The following SORCS2 variants were observed in gnomAD, a reference collection of about 807,000 sequenced individuals.
The protein encoded by SORCS2 is sortilin related VPS10 domain containing receptor 2.
Under a neutral mutation model 141.6 loss-of-function variants are expected in SORCS2, and 100 were observed. The observed-to-expected ratio is 0.71, with a 90% confidence interval of 0.60 to 0.83. The LOEUF (loss-of-function observed/expected upper bound fraction) is 0.83. SORCS2 is among the 40% of genes least tolerant of loss of function. The pLI is 0.00. For missense variants in SORCS2, 1,646 were observed against 1,560.2 expected, an observed-to-expected ratio of 1.05 and a Z score of -0.93; for synonymous variants, 789 against 676.9, an observed-to-expected ratio of 1.17 and a Z score of -2.57.
chr4:7,389,497 C>G (rs1371045741), intron 1 of SORCS2, among the ~76,000 whole-genome samples: 1 of 151,658 alleles, frequency 6.6e-6, no homozygotes, highest in Non-Finnish European at 1.5e-5. Flanking sequence ...GAGGAAAGAC[C>G]TCACCAGGAG....
chr4:7,368,316 T>G (rs1722027907), intron 1 of SORCS2, among the ~76,000 whole-genome samples: 1 of 152,188 alleles, frequency 6.6e-6, no homozygotes, highest in African/African-American at 2.4e-5. Context: ...GCCAAAAGCA[T>G]GTTAACTAAT....
At chr4:7,565,409 A>G (rs1289955513) in intron 3 of SORCS2, among the ~76,000 whole-genome samples, 2 of 152,188 alleles carry the variant, frequency 1.3e-5, no homozygotes, top group African/African-American at 4.8e-5. Flanking sequence ...GAAGATGAAG[A>G]TGATGATAAA....
intron 3 of SORCS2, among the ~76,000 whole-genome samples, chr4:7,629,936 A>AT (rs1719773186): frequency 6.6e-6 from 1 of 152,050 alleles, no homozygotes; most frequent in Non-Finnish European, 1.5e-5. Flanking sequence ...CGTTTTATTT[A>AT]TTCCCCAGCA....
At chr4:7,532,705 A>G (rs997551664) in intron 3 of SORCS2, among the ~76,000 whole-genome samples, 1 of 147,514 alleles carries the variant, frequency 6.8e-6, no homozygotes, top group Non-Finnish European at 1.5e-5. Context: ...CTATGGAACG[A>G]GGGGGCTGAG....
intron 3 of SORCS2, among the ~76,000 whole-genome samples, chr4:7,610,804 G>A (rs1048671900): frequency 3.3e-5 from 5 of 152,156 alleles, no homozygotes; most frequent in Admixed American, 6.5e-5. Context: ...GTAAAGTCCC[G>A]GGAGCCAAGG....
At chr4:7,272,701 G>A (rs1355327796) in intron 1 of SORCS2, among the ~76,000 whole-genome samples, 1 of 152,250 alleles carries the variant, frequency 6.6e-6, no homozygotes, top group Non-Finnish European at 1.5e-5. Context: ...ATTTCCAGGG[G>A]ATGGACAATT....
chr4:7,212,669 C>T (rs936334675), intron 1 of SORCS2, among the ~76,000 whole-genome samples: 19 of 152,258 alleles, frequency 1.2e-4, no homozygotes, highest in African/African-American at 4.3e-4. Context: ...AGAGCTGAGG[C>T]CCCCTGGCCT....
At chr4:7,724,407 G>C in intron 19 of SORCS2, among the ~76,000 whole-genome samples, 3 of 147,180 alleles carry the variant, frequency 2.0e-5, no homozygotes, top group African/African-American at 7.8e-5. Flanking sequence ...GGTGATAGTA[G>C]TGGTGGGAAT....
Position 7,366,586 on chromosome 4 carries a change from G to T in SORCS2, c.481-29702G>T, listed in dbSNP as rs555641473. Among the ~76,000 whole-genome samples, 235 of 147,368 alleles carry T rather than the reference G, an allele frequency of 1.6e-3. 2 individuals carry two copies. Among genetic ancestry groups the T allele is most frequent in the African/African-American group, 5.4e-3 (217 of 40,132 alleles). ...ATCAGCCTTGCTAGTTTCTGTCTTT[G>T]CACTGGCAGTTCCATCTGCCTGGAA... On this transcript the variant is annotated intron_variant, in intron 1 of 26. Coordinates refer to ENST00000507866, the MANE Select transcript of SORCS2 (RefSeq NM_020777.3).
intron 1 of SORCS2, among the ~76,000 whole-genome samples, chr4:7,333,382 C>G (rs941508347): frequency 1.3e-5 from 2 of 152,206 alleles, no homozygotes; most frequent in African/African-American, 4.8e-5. Flanking sequence ...TAAACGTGTT[C>G]CCGTGTGTGA....
chr4:7,740,885 CG>C lies in SORCS2; in HGVS notation c.*623del. ...TCTCACTCTCTGTCTTTATAGCCGGCGGTAGCCACCGGGGTGGCTCTGTCAG... is the reference window on the plus strand; with the variant it reads ...TCTCACTCTCTGTCTTTATAGCCGGCGTAGCCACCGGGGTGGCTCTGTCAG... On this transcript the variant is annotated 3_prime_UTR_variant, in exon 27 of 27. Transcript: ENST00000507866. 2.5e-6 allele frequency: 1 copy of C among 396,620 alleles called. No homozygotes were observed. The highest frequency in any genetic ancestry group is 4.4e-6 in the Non-Finnish European group (1 of 225,472). The allele number at this position is 396,620 out of a possible 1,614,324, so 24.6% of individuals were successfully genotyped here. A position where few individuals can be genotyped will look rare whatever the true frequency, so the allele number is the denominator to read the frequency against.
In SORCS2 at chr4:7,729,789, C is replaced by T. The variant is rs538349045; in HGVS notation, c.3108+77C>T. The T allele has an allele frequency of 7.2e-5, 110 of 1,538,422 alleles. No homozygotes were observed. In the East Asian group the frequency reaches 7.3e-4, roughly 10 times the overall value. On this transcript the variant is annotated intron_variant, in intron 23 of 26. Coordinates refer to ENST00000507866, the MANE Select transcript of SORCS2 (RefSeq NM_020777.3). ...TCGGGTCATTTACAACAAGCAGGGACGTCTCAGTGGCTCATGGCATAAAGG... is the reference window on the plus strand; with the variant it reads ...TCGGGTCATTTACAACAAGCAGGGATGTCTCAGTGGCTCATGGCATAAAGG...
Position 7,512,846 on chromosome 4 carries a change from C to T in SORCS2, c.549-18684C>T, listed in dbSNP as rs138660815. Among the ~76,000 whole-genome samples, 110 of 152,304 alleles carry T rather than the reference C, an allele frequency of 7.2e-4. 3 individuals carry two copies. Among genetic ancestry groups the T allele is most frequent in the African/African-American group, 2.6e-3 (109 of 41,564 alleles). ...CATCTCTGTAAGGCCAGAAACCCTG[C>T]GGAGGGCAGCTTCCTTCCAAAGCCC... is the stretch of plus-strand genomic sequence containing the variant. On this transcript the variant is annotated intron_variant, in intron 2 of 26. Coordinates refer to ENST00000507866, the MANE Select transcript of SORCS2 (RefSeq NM_020777.3).
chr4:7,649,482 G>C (rs573522483), intron 4 of SORCS2, among the ~76,000 whole-genome samples: 38 of 152,264 alleles, frequency 2.5e-4, no homozygotes, highest in African/African-American at 8.9e-4. Flanking sequence ...CTGAGAGCAG[G>C]GGTCCACGGA....
intron 2 of SORCS2, among the ~76,000 whole-genome samples, chr4:7,524,279 C>T (rs1269645563): frequency 6.6e-6 from 1 of 152,144 alleles, no homozygotes; most frequent in Non-Finnish European, 1.5e-5. Flanking sequence ...GCCTCAATCT[C>T]AGGGACGCCT....
intron 2 of SORCS2, among the ~76,000 whole-genome samples, chr4:7,530,100 AG>A (rs1178279934): frequency 3.9e-5 from 6 of 152,238 alleles, no homozygotes; most frequent in African/African-American, 1.4e-4. Context: ...CTGGAGCCTC[AG>A]GTTCACTTGA....
At chr4:7,447,678 G>C (rs2109277782) in intron 2 of SORCS2, among the ~76,000 whole-genome samples, 1 of 152,288 alleles carries the variant, frequency 6.6e-6, no homozygotes, top group African/African-American at 2.4e-5. Flanking sequence ...GGTCCTCCAG[G>C]CTCAGCAGCC....
intron 3 of SORCS2, among the ~76,000 whole-genome samples, chr4:7,571,202 T>C (rs1326665517): frequency 6.6e-6 from 1 of 152,216 alleles, no homozygotes; most frequent in Non-Finnish European, 1.5e-5. Context: ...CCGCAGATGC[T>C]CTCTGCGCAT....
chr4:7,375,613 G>C (rs1316026262), intron 1 of SORCS2, among the ~76,000 whole-genome samples: 4 of 152,222 alleles, frequency 2.6e-5, no homozygotes, highest in African/African-American at 9.7e-5. Flanking sequence ...CTGAGTTCAG[G>C]CTTGGCTGCC....
Sources: gnomAD v4.1 joint callset for allele counts (sites outside exome capture counted in the v4.1 genomes callset) on GRCh38, gnomAD v4.1.1 for gene constraint, MANE v1.5 for transcripts, NCBI Gene and HGNC (gene_info 2026-07-23, HGNC 2026-07-21) for gene names.